AKAP9: variants seen among roughly 807,000 people sequenced by gnomAD.
AKAP9 encodes A-kinase anchor protein 9.
AKAP9 carries 311 observed loss-of-function variants against 488.5 expected under a neutral mutation model. That is an observed-to-expected ratio of 0.64 (90% confidence interval 0.58 to 0.70). The LOEUF is 0.70. AKAP9 is among the 30% of genes least tolerant of loss of function. AKAP9 has a pLI of 0.00. For missense variants in AKAP9, 4,215 were observed against 4,374.5 expected (o/e 0.96, Z 1.03); for synonymous variants, 1,462 against 1,483.5 (o/e 0.99, Z 0.33).
Position 91,940,975 on chromosome 7 carries a change from C to A in AKAP9, c.-125C>A. 2 of 1,005,450 alleles carry A rather than the reference C, an allele frequency of 2.0e-6. No individual in the cohort carries two copies. Among genetic ancestry groups the A allele is most frequent in the Non-Finnish European group, 3.2e-6 (2 of 630,704 alleles). 62.3% of individuals were successfully genotyped at this position (1,005,450 alleles called of 1,614,324 possible). On this transcript the variant is annotated 5_prime_UTR_variant, in exon 1 of 50. Coordinates refer to ENST00000356239, the MANE Select transcript of AKAP9 (RefSeq NM_005751.5). ...ACTGCTTCCACTTCGGGCGGGGGAG[C>A]GCCGGACCGAATCGGCTCTCTAGGC...
chr7:92,062,597 G>A (rs937766877), intron 24 of AKAP9, 111 bp downstream of exon 24: 24 of 857,538 alleles, frequency 2.8e-5, no homozygotes, highest in Non-Finnish European at 4.0e-5. Context: ...ATATTTTATA[G>A]AGAGATTTAA....
At chr7:91,970,415 A>C (rs537785257) in intron 1 of AKAP9, 14 of 447,676 alleles carry the variant, frequency 3.1e-5, no homozygotes, top group African/African-American at 1.2e-4. Flanking sequence ...TAATTTTACT[A>C]GTGGGTTGTA....
At chr7:91,992,792 A>T in intron 4 of AKAP9, 93 bp from the exon 5 acceptor site, 2 of 1,221,996 alleles carry the variant, frequency 1.6e-6, no homozygotes, top group Non-Finnish European at 2.3e-6. Context: ...GTGATGTTTT[A>T]AAGTGGACCT....
At chr7:91,980,152 T>C (rs534629274) in intron 2 of AKAP9, 137 bp from the exon 3 acceptor site, 228 of 494,178 alleles carry the variant, frequency 4.6e-4, no homozygotes, top group African/African-American at 4.3e-3. Flanking sequence ...TTTAAAGATT[T>C]GAGTAATTTT....
chr7:92,028,246 C>T (rs1160393796), intron 14 of AKAP9, among the ~76,000 whole-genome samples: 1 of 141,282 alleles, frequency 7.1e-6, no homozygotes, highest in African/African-American at 2.7e-5. Flanking sequence ...TCCTATGACC[C>T]TGCCACATCC....
chr7:92,031,447 G>C, intron 15 of AKAP9, 65 bp from the exon 16 acceptor site: 1 of 1,147,078 alleles, frequency 8.7e-7, no homozygotes, highest in Non-Finnish European at 1.3e-6. Flanking sequence ...TTTTGAGGTA[G>C]AAGTTTAAAA....
chr7:91,978,860 A>G (rs1039417151), intron 2 of AKAP9, among the ~76,000 whole-genome samples: 2 of 151,238 alleles, frequency 1.3e-5, no homozygotes, highest in East Asian at 3.9e-4. Flanking sequence ...AGGCCCAAGC[A>G]GTTCTCCTGC....
chr7:92,002,507 T>C lies in AKAP9; in HGVS notation c.2590T>C (p.Leu864=), dbSNP rs748910186. 3.7e-6 allele frequency: 6 copies of C among 1,611,058 alleles called. No individual in the cohort carries two copies. The highest frequency in any genetic ancestry group is 5.1e-6 in the Non-Finnish European group (6 of 1,178,866). Residue 864 remains leucine, a synonymous_variant, in exon 8 of 50, where the codon TTA becomes CTA. Coordinates refer to ENST00000356239, the MANE Select transcript of AKAP9 (RefSeq NM_005751.5). The part of the protein sequence containing the change: ...EKNFEVNYQE[L]QEEYACLLKV... ...AAACTTTGAAGTTAACTATCAAGAG[T>C]TACAAGAGGAGTATGCTTGCCTTCT...
chr7:92,082,429 T>G, intron 31 of AKAP9, 93 bp from the exon 32 acceptor site: 4 of 1,395,062 alleles, frequency 2.9e-6, no homozygotes, highest in South Asian at 1.2e-5. Context: ...AGGCAGTCAT[T>G]CCTTGGATGG....
chr7:92,092,989 C>G (rs1479007271), intron 38 of AKAP9, 108 bp from the exon 39 acceptor site: 1 of 962,326 alleles, frequency 1.0e-6, no homozygotes, highest in Non-Finnish European at 1.6e-6. Flanking sequence ...TTTCATGTTT[C>G]CTTTGAAGTA....
intron 4 of AKAP9, 134 bp downstream of exon 4, chr7:91,992,345 C>G: frequency 2.6e-6 from 2 of 768,590 alleles, no homozygotes; most frequent in South Asian, 3.0e-5. Flanking sequence ...TTTACTAAAA[C>G]AAAGTTATCT....
At chr7:92,084,207 T>A (rs1293385494) in intron 33 of AKAP9, among the ~76,000 whole-genome samples, 1 of 152,232 alleles carries the variant, frequency 6.6e-6, no homozygotes, top group Non-Finnish European at 1.5e-5. Context: ...GTGCCACATT[T>A]TCTTTATCCA....
chr7:92,002,411 C>T lies in AKAP9; in HGVS notation c.2494C>T (p.Leu832Phe). Reference sequence around the variant, plus strand: ...AATACTTATAGAGGAAAATGAGGACCTCAAACAACAATGTATTCAGCTAAA... The same window carrying T: ...AATACTTATAGAGGAAAATGAGGACTTCAAACAACAATGTATTCAGCTAAA... ...IEILIEENED[L>F]KQQCIQLNEE... Residue 832 changes from leucine (L) to phenylalanine (F), a missense_variant, in exon 8 of 50, where the codon CTC becomes TTC. Physicochemically the swap from Leu to Phe is conservative, Grantham distance 22 (BLOSUM62 0). This residue lies in a region of AKAP9 where 2,361 missense variants were observed against 2,430.0 expected (regional missense o/e 0.97). Coordinates refer to ENST00000356239, the MANE Select transcript of AKAP9 (RefSeq NM_005751.5). 1.2e-6 allele frequency: 2 copies of T among 1,609,706 alleles called. No homozygotes were observed. The highest frequency in any genetic ancestry group is 1.7e-6 in the Non-Finnish European group (2 of 1,178,718).
intron 17 of AKAP9, 134 bp from the exon 18 acceptor site, chr7:92,040,537 TTAA>T (rs753970983): frequency 1.6e-5 from 10 of 638,198 alleles, no homozygotes; most frequent in South Asian, 4.4e-5. Flanking sequence ...ATGTTTTTGT[TTAA>T]TAATAAAATA....
chr7:92,037,825 A>G (rs1187810885), intron 16 of AKAP9, among the ~76,000 whole-genome samples: 6 of 152,360 alleles, frequency 3.9e-5, no homozygotes, highest in East Asian at 1.9e-4. Flanking sequence ...TAAAATAGTA[A>G]AAGACTGGAA....
intron 1 of AKAP9, among the ~76,000 whole-genome samples, chr7:91,971,041 T>A (rs1050530152): frequency 1.3e-4 from 20 of 152,216 alleles, no homozygotes; most frequent in African/African-American, 3.6e-4. Flanking sequence ...TTGCAAAGAC[T>A]CTCTAAGTGA....
intron 18 of AKAP9, 57 bp from the exon 19 acceptor site, chr7:92,041,989 T>TGTAG (rs1806186735): frequency 6.3e-7 from 1 of 1,589,590 alleles, no homozygotes; most frequent in Non-Finnish European, 8.6e-7. Flanking sequence ...GCTTAATATT[T>TGTAG]CTACCCTTTT....
intron 18 of AKAP9, 43 bp downstream of exon 18, chr7:92,040,941 T>G (rs1223387773): frequency 6.7e-7 from 1 of 1,501,596 alleles, no homozygotes; most frequent in Admixed American, 1.9e-5. Flanking sequence ...GTTATTTTTT[T>G]TTCCAAACAC....
At chr7:92,089,959 A>G (rs922653336) in intron 38 of AKAP9, 1 of 169,480 alleles carries the variant, frequency 5.9e-6, no homozygotes, top group African/African-American at 2.4e-5. Context: ...AGTATGACGC[A>G]TTTTTAAATG....
Sources: allele counts gnomAD v4.1 joint callset (sites outside exome capture counted in the v4.1 genomes callset), GRCh38; gene constraint gnomAD v4.1.1; regional missense constraint gnomAD v4.1.1; transcripts MANE v1.5; gene names NCBI Gene and HGNC (gene_info 2026-07-23, HGNC 2026-07-21).